The following FAM161A variants were observed in gnomAD, a reference collection of about 807,000 sequenced individuals.
FAM161A encodes FAM161 centrosomal protein A.
Under a neutral mutation model 70.9 loss-of-function variants are expected in FAM161A, and 57 were observed. The observed-to-expected ratio is 0.80, with a 90% CI of 0.65 to 1.00. FAM161A has a LOEUF of 1.00. Among genes scored for constraint, FAM161A ranks in the 50% least tolerant of loss-of-function variants. The probability of loss-of-function intolerance (pLI) is 0.00; values close to 1 mark genes in which losing one functional copy is unlikely to be tolerated. For missense variants in FAM161A, 880 were observed against 836.0 expected (o/e 1.05, Z -0.65); for synonymous variants, 299 against 295.7 (o/e 1.01, Z -0.12).
rs533689735 is a variant in FAM161A at position 61,840,131 on chromosome 2, G to C, written c.873C>G (p.Val291=). 1.2e-6 allele frequency: 2 copies of C among 1,614,154 alleles called. No homozygotes were observed. Among genetic ancestry groups the C allele is most frequent in the East Asian group, 4.5e-5 (2 of 44,882 alleles). ...KFRANPVPAS[V]FLPLYHDLVK... is the part of the protein sequence containing the mutation. ...CTAAATCATGGTAAAGGGGGAGAAA[G>C]ACAGATGCAGGAACTGGATTGGCTC... Residue 291 remains valine (V), a synonymous_variant, in exon 3 of 7, where the codon GTC becomes GTG. Transcript: ENST00000404929.
Position 61,833,290 on chromosome 2 carries a change from G to A in FAM161A, c.1851+2720C>T, listed in dbSNP as rs185767776. 2.3e-3 allele frequency among the ~76,000 whole-genome samples: 348 copies of A among 152,114 alleles called. 1 individual carries two copies. Among genetic ancestry groups the A allele is most frequent in the African/African-American group, 8.0e-3 (333 of 41,466 alleles). On this transcript the variant is annotated intron_variant, in intron 5 of 6. Coordinates refer to ENST00000404929, the MANE Select transcript of FAM161A (RefSeq NM_001201543.2). Reference sequence around the variant, plus strand: ...AATACAAAAAAATTAGCTAGGCACGGTGGCGCGCACCTGTAATCCCAGCTA... The same window carrying A: ...AATACAAAAAAATTAGCTAGGCACGATGGCGCGCACCTGTAATCCCAGCTA...
chr2:61,822,268 ATTAAAT>A (rs1672218244), downstream of FAM161A, among the ~76,000 whole-genome samples: 1 of 152,000 alleles, frequency 6.6e-6, no homozygotes, highest in African/African-American at 2.4e-5. Context: ...CTGTCTCTAA[ATTAAAT>A]TTAAATTTAA....
intron 6 of FAM161A, 81 bp from the exon 7 acceptor site, chr2:61,826,680 C>A: frequency 1.7e-6 from 2 of 1,196,294 alleles, no homozygotes; most frequent in South Asian, 1.3e-5. Flanking sequence ...AGTATGCCAC[C>A]GTGTAGCCAG....
rs75674808 is a variant in FAM161A, at chr2:61,844,658, C to T, written c.184-2298G>A. 4.5e-3 allele frequency among the ~76,000 whole-genome samples: 690 copies of T among 152,298 alleles called. 2 individuals carry two copies. Among genetic ancestry groups the T allele is most frequent in the Non-Finnish European group, 6.6e-3 (449 of 68,020 alleles). On this transcript the variant is annotated intron_variant, in intron 1 of 6. Transcript: ENST00000404929. ...AGGTTGCAGTCAGCCAAGATCGTAC[C>T]ACAGCACTCCAGCTTGGGTGACAAA...
At chr2:61,812,710 G>A in the FAM161A span, among the ~76,000 whole-genome samples, 6 of 151,528 alleles carry the variant, frequency 4.0e-5, no homozygotes, top group African/African-American at 7.3e-5. Context: ...CAAAAAGAGC[G>A]AGGCTTTGTC....
chr2:61,822,845 C>T (rs111727112), downstream of FAM161A, among the ~76,000 whole-genome samples: 1,511 of 152,146 alleles, frequency 9.9e-3, 8 homozygotes, highest in Middle Eastern at 0.017. Flanking sequence ...CTGCCTCAGC[C>T]TCCCAAAGTG....
At chr2:61,832,283 CCAA>C (rs1159695711) in intron 5 of FAM161A, among the ~76,000 whole-genome samples, 1 of 148,220 alleles carries the variant, frequency 6.7e-6, no homozygotes, top group Non-Finnish European at 1.5e-5. Context: ...CAACAAAAAA[CCAA>C]CAACAACAAA....
intron 3 of FAM161A, 113 bp from the exon 4 acceptor site, chr2:61,838,818 A>G (rs1463077121): frequency 6.9e-6 from 4 of 576,488 alleles, no homozygotes; most frequent in Non-Finnish European, 7.9e-6. Context: ...GAAAAAAGGT[A>G]ACCTTTTGAA....
intron 1 of FAM161A, among the ~76,000 whole-genome samples, chr2:61,847,310 G>A (rs978734209): frequency 1.3e-5 from 2 of 152,028 alleles, no homozygotes; most frequent in Non-Finnish European, 2.9e-5. Context: ...TTCTCAATAA[G>A]GTCTTCCCTG....
At chr2:61,800,644 AAG>A in the FAM161A span, among the ~76,000 whole-genome samples, 1 of 152,126 alleles carries the variant, frequency 6.6e-6, no homozygotes, top group East Asian at 1.9e-4. Flanking sequence ...CCCCAACTAC[AAG>A]AGAGGCTGGG....
chr2:61,826,814 G>A (rs750533047), intron 6 of FAM161A, among the ~76,000 whole-genome samples: 4 of 152,154 alleles, frequency 2.6e-5, no homozygotes, highest in African/African-American at 4.8e-5. Flanking sequence ...CAAAATTTGA[G>A]TGATTGTTTC....
chr2:61,853,347 G>A (rs77174301), intron 1 of FAM161A, among the ~76,000 whole-genome samples: 3,061 of 152,224 alleles, frequency 0.02, 103 homozygotes, highest in African/African-American at 0.07. Flanking sequence ...GAGCTGTTTA[G>A]GAAACACTGA....
chr2:61,808,477 TTGGCCAGGA>T, the FAM161A span, among the ~76,000 whole-genome samples: 2 of 152,128 alleles, frequency 1.3e-5, no homozygotes, highest in Admixed American at 1.3e-4. Context: ...TTTCACCATG[TTGGCCAGGA>T]TAGTCTCGAT....
chr2:61,837,614 C>G (rs1170633982), intron 4 of FAM161A, among the ~76,000 whole-genome samples: 1 of 152,004 alleles, frequency 6.6e-6, no homozygotes, highest in Non-Finnish European at 1.5e-5. Context: ...ACCAAAAATA[C>G]AAAAATTAGC....
chr2:61,806,079 G>A, the FAM161A span, among the ~76,000 whole-genome samples: 4 of 152,140 alleles, frequency 2.6e-5, no homozygotes, highest in African/African-American at 9.7e-5. Flanking sequence ...TTAGCCGGGT[G>A]TGGTGGCACA....
chr2:61,845,454 G>A (rs748321536), intron 1 of FAM161A, among the ~76,000 whole-genome samples: 6 of 152,180 alleles, frequency 3.9e-5, no homozygotes, highest in Non-Finnish European at 7.4e-5. Context: ...ACAGGAAATG[G>A]AGGGAGCTTT....
At chr2:61,821,608 T>C (rs1672204538), downstream of FAM161A, among the ~76,000 whole-genome samples, 1 of 152,008 alleles carries the variant, frequency 6.6e-6, no homozygotes, top group Non-Finnish European at 1.5e-5. Context: ...TTTTTTTCTT[T>C]TTGTTTTGAG....
intron 5 of FAM161A, among the ~76,000 whole-genome samples, chr2:61,833,377 G>T (rs577407476): frequency 8.7e-5 from 13 of 148,882 alleles, no homozygotes; most frequent in African/African-American, 2.2e-4. Context: ...AGTGAGCTGA[G>T]ATTGTGACAC....
chr2:61,838,481 A>G (rs1468939773), intron 4 of FAM161A, 57 bp downstream of exon 4: 2 of 1,044,244 alleles, frequency 1.9e-6, no homozygotes, highest in Non-Finnish European at 2.7e-6. Flanking sequence ...TCTACTGATT[A>G]AAAAAAAAAG....
Sources: gnomAD v4.1 joint callset for allele counts (sites outside exome capture counted in the v4.1 genomes callset) on GRCh38, gnomAD v4.1.1 for gene constraint, MANE v1.5 for transcripts, NCBI Gene and HGNC (gene_info 2026-07-23, HGNC 2026-07-21) for gene names.